The following NTRK3 variants were observed in gnomAD, a reference collection of about 807,000 sequenced individuals.
NTRK3 encodes the protein NT-3 growth factor receptor.
Under a neutral mutation model 91.7 loss-of-function variants are expected in NTRK3, and 24 were observed. That is an observed-to-expected ratio of 0.26 (90% CI 0.19 to 0.37). The LOEUF (loss-of-function observed/expected upper bound fraction) is 0.37. Ranked by LOEUF, NTRK3 falls within the 10% of genes least tolerant of loss-of-function variation. The pLI is 1.00. For synonymous variants in NTRK3, 483 were observed against 404.0 expected (o/e 1.20, Z -2.34); for missense variants, 880 against 1,068.9 (o/e 0.82, Z 2.46).
At chr15:88,165,422 C>T (rs2044842374) in intron 5 of NTRK3, among the ~76,000 whole-genome samples, 1 of 152,166 alleles carries the variant, frequency 6.6e-6, no homozygotes, top group African/African-American at 2.4e-5. Context: ...CTGACCTCAA[C>T]TTAATTTAAA....
intron 14 of NTRK3, among the ~76,000 whole-genome samples, chr15:88,017,098 G>A (rs2077288343): frequency 6.6e-6 from 1 of 152,074 alleles, no homozygotes; most frequent in South Asian, 2.1e-4. Flanking sequence ...CCAAAAATGG[G>A]AGGCATTTTA....
intron 5 of NTRK3, among the ~76,000 whole-genome samples, chr15:88,157,460 C>A (rs527840943): frequency 8.5e-5 from 13 of 152,214 alleles, no homozygotes; most frequent in Non-Finnish European, 1.9e-4. Context: ...CAGGGCCCAT[C>A]CTGCCCTGGC....
intron 3 of NTRK3, among the ~76,000 whole-genome samples, chr15:88,209,737 A>T (rs1307814026): frequency 6.6e-6 from 1 of 152,242 alleles, no homozygotes; most frequent in Non-Finnish European, 1.5e-5. Flanking sequence ...CTACCCAGAG[A>T]GTGAGGCAGG....
chr15:87,933,629 A>T (rs2069001142), intron 15 of NTRK3, among the ~76,000 whole-genome samples: 1 of 152,282 alleles, frequency 6.6e-6, no homozygotes, highest in South Asian at 2.1e-4. Context: ...ACATGCTCAT[A>T]GCCTATTGGA....
chr15:87,968,974 T>C (rs1567165103), intron 14 of NTRK3, among the ~76,000 whole-genome samples: 1 of 152,190 alleles, frequency 6.6e-6, no homozygotes, highest in Non-Finnish European at 1.5e-5. Flanking sequence ...TTATTTAACC[T>C]TTTAACATTT....
rs1033695302 is a variant in NTRK3 at position 88,177,542 on chromosome 15, T to A, written c.395+5876A>T. Among the ~76,000 whole-genome samples, 10 of 152,168 alleles carry A rather than the reference T, an allele frequency of 6.6e-5. 1 individual carries two copies. The highest frequency in any genetic ancestry group is 6.5e-4 in the Admixed American group (10 of 15,272). On this transcript the variant is annotated intron_variant, in intron 5 of 18. Transcript: ENST00000394480. ...GAGGCATCAAGAATGTCTCCCAAGGTTTTGGCCTGAGCAATTTGATGGATG... is the reference window on the plus strand; with the variant it reads ...GAGGCATCAAGAATGTCTCCCAAGGATTTGGCCTGAGCAATTTGATGGATG...
chr15:88,186,831 A>T (rs2046983333), intron 3 of NTRK3, among the ~76,000 whole-genome samples: 1 of 152,058 alleles, frequency 6.6e-6, no homozygotes, highest in Admixed American at 6.5e-5. Context: ...TTTACAGAAA[A>T]CAGTTGTCGA....
At chr15:87,971,007 CGA>C in intron 14 of NTRK3, among the ~76,000 whole-genome samples, 1 of 152,282 alleles carries the variant, frequency 6.6e-6, no homozygotes, top group East Asian at 1.9e-4. Context: ...GTCTTCTTAA[CGA>C]CTAGGTTGGC....
chr15:88,159,816 G>C (rs2044267123), intron 5 of NTRK3, among the ~76,000 whole-genome samples: 1 of 151,976 alleles, frequency 6.6e-6, no homozygotes, highest in Non-Finnish European at 1.5e-5. Context: ...GGCTGGTCCA[G>C]GGCAGGGCCA....
chr15:88,200,825 G>A lies in NTRK3; in HGVS notation c.249-16526C>T, dbSNP rs114151264. Among the ~76,000 whole-genome samples the A allele has an allele frequency of 6.8e-3, 1,035 of 152,262 alleles. 11 individuals are homozygous for A. Among genetic ancestry groups the A allele is most frequent in the African/African-American group, 0.023 (963 of 41,550 alleles). On this transcript the variant is annotated intron_variant, in intron 3 of 18. Coordinates refer to ENST00000394480, the Ensembl canonical transcript of NTRK3. Reference sequence around the variant, plus strand: ...CCCTCCCTCCAAGCCTACTGGAAGCGCCTTAGCAATATGACAGGGTCTCTA... The same window carrying A: ...CCCTCCCTCCAAGCCTACTGGAAGCACCTTAGCAATATGACAGGGTCTCTA...
At chr15:88,101,320 C>T (rs1235735271) in intron 13 of NTRK3, among the ~76,000 whole-genome samples, 2 of 152,144 alleles carry the variant, frequency 1.3e-5, no homozygotes, top group Non-Finnish European at 2.9e-5. Context: ...CAATGAGATG[C>T]CATCTCACAC....
chr15:88,135,220 C>T (rs2151191833), exon 10 of NTRK3: 2 of 1,614,234 alleles, frequency 1.2e-6, no homozygotes, highest in Non-Finnish European at 1.7e-6. Flanking sequence ...GAAGAGCAGG[C>T]AGCCCTCGGA....
intron 14 of NTRK3, among the ~76,000 whole-genome samples, chr15:87,972,412 T>A (rs2073333305): frequency 6.6e-6 from 1 of 152,204 alleles, no homozygotes; most frequent in South Asian, 2.1e-4. Context: ...ACGATGCCTT[T>A]GGGCAGCCTC....
In NTRK3 at chr15:87,929,391, G is replaced by A. The variant is rs139392904; in HGVS notation, c.1933C>T (p.Arg645Cys). 4.4e-4 allele frequency: 706 copies of A among 1,614,108 alleles called. 1 individual carries two copies. Among genetic ancestry groups the A allele is most frequent in the Middle Eastern group, 2.1e-3 (13 of 6,062 alleles). Residue 645 changes from arginine (R) to cysteine (C), a missense_variant, in exon 17 of 19, where the codon CGC becomes TGC. Physicochemically the swap from Arg to Cys is radical, Grantham distance 180. This residue lies in a region of NTRK3 where 743 missense variants were observed against 868.6 expected (regional missense o/e 0.86). Coordinates refer to ENST00000394480, the Ensembl canonical transcript of NTRK3. ...AGCCCCAGCTCACCCTTGGCCTGGC[G>A]TGGCTGTCCATCCACAAGGATCATT...
chr15:88,194,258 C>T (rs1431215665), intron 3 of NTRK3, among the ~76,000 whole-genome samples: 1 of 152,220 alleles, frequency 6.6e-6, no homozygotes, highest in Non-Finnish European at 1.5e-5. Context: ...TCCCAGGGAG[C>T]CTGGGGCTCC....
intron 13 of NTRK3, among the ~76,000 whole-genome samples, chr15:88,081,868 C>A (rs1175714897): frequency 6.6e-6 from 1 of 152,166 alleles, no homozygotes; most frequent in Non-Finnish European, 1.5e-5. Context: ...GATCAGAGCC[C>A]ATTCAGGTGC....
At chr15:88,165,279 A>T (rs1050227182) in intron 5 of NTRK3, among the ~76,000 whole-genome samples, 1 of 152,294 alleles carries the variant, frequency 6.6e-6, no homozygotes, top group Non-Finnish European at 1.5e-5. Context: ...AATGATTTAC[A>T]CCTTGATCAC....
chr15:87,924,734 T>C (rs1009282619), intron 17 of NTRK3, among the ~76,000 whole-genome samples: 5 of 152,208 alleles, frequency 3.3e-5, no homozygotes, highest in African/African-American at 1.2e-4. Context: ...TGGAATGACC[T>C]ATTTCCTAAT....
chr15:88,225,189 C>T (rs956262045), intron 3 of NTRK3, among the ~76,000 whole-genome samples: 3 of 152,102 alleles, frequency 2.0e-5, no homozygotes, highest in Non-Finnish European at 2.9e-5. Flanking sequence ...CTAAAAGGGA[C>T]GTGTCAAGGC....
Sources: allele counts gnomAD v4.1 joint callset (sites outside exome capture counted in the v4.1 genomes callset), GRCh38; gene constraint gnomAD v4.1.1; regional missense constraint gnomAD v4.1.1; transcripts MANE v1.5; gene names NCBI Gene and HGNC (gene_info 2026-07-23, HGNC 2026-07-21).